ZBTB46: variants seen among roughly 807,000 people sequenced by gnomAD.
ZBTB46 encodes the protein zinc finger and BTB domain containing 46.
Under a neutral mutation model 44.1 loss-of-function variants are expected in ZBTB46, and 8 were observed. That is an observed-to-expected ratio of 0.18 (90% CI 0.11 to 0.33). The LOEUF (loss-of-function observed/expected upper bound fraction) is 0.33, where lower values mean the gene tolerates loss of function less well. ZBTB46 is among the 10% of genes least tolerant of loss of function. The pLI is 1.00. For missense variants in ZBTB46, 651 were observed against 847.7 expected (o/e 0.77, Z 2.88); for synonymous variants, 409 against 382.3 (o/e 1.07, Z -0.81).
chr20:63,797,482 T>C (rs935787948), intron 1 of ZBTB46, among the ~76,000 whole-genome samples: 3 of 152,210 alleles, frequency 2.0e-5, no homozygotes, highest in Admixed American at 6.5e-5. Flanking sequence ...TGTGTCTTTA[T>C]AGCAACATGA....
chr20:63,794,430 C>A (rs533010527), intron 1 of ZBTB46, among the ~76,000 whole-genome samples: 30 of 152,074 alleles, frequency 2.0e-4, no homozygotes, highest in African/African-American at 6.5e-4. Context: ...TGGGCTCAAG[C>A]GATCTTCCCA....
intron 1 of ZBTB46, among the ~76,000 whole-genome samples, chr20:63,806,538 A>G (rs1340238021): frequency 6.6e-6 from 1 of 152,220 alleles, no homozygotes; most frequent in Non-Finnish European, 1.5e-5. Context: ...CAAAAAAAAT[A>G]GAACCTAAAT....
At position 63,767,732 on chromosome 20, in the gene ZBTB46, G is replaced by A. The variant is rs2092332192; in HGVS notation, c.1222+7946C>T. 6.6e-6 allele frequency among the ~76,000 whole-genome samples: 1 copy of A among 152,230 alleles called. No homozygotes were observed. The highest frequency in any genetic ancestry group is 1.9e-4 in the East Asian group (1 of 5,202). On this transcript the variant is annotated intron_variant, in intron 3 of 4. Transcript: ENST00000245663. The surrounding 1 kb of genome is among the most constrained non-coding windows in gnomAD (Gnocchi z 5.0). ...ACTTGCTTCACAGAGCTCCTTAGCT[G>A]GCCTCAGGGTAAAGCTGTCAGCGCC...
In ZBTB46 at chr20:63,801,757, T is replaced by C. The variant is rs150641266; in HGVS notation, c.-33-10967A>G. On this transcript the variant is annotated intron_variant, in intron 1 of 4. Transcript: ENST00000245663. ...ACGCCGCCTTTAAGAACTGTAACAC[T>C]CACCGCGAGAGTCCATGGCTTCATT... Among the ~76,000 whole-genome samples, 487 of 152,102 alleles carry C rather than the reference T, an allele frequency of 3.2e-3. 2 individuals carry two copies. Among genetic ancestry groups the C allele is most frequent in the African/African-American group, 0.011 (445 of 41,492 alleles).
intron 3 of ZBTB46, among the ~76,000 whole-genome samples, chr20:63,771,677 C>A (rs956016739): frequency 6.6e-6 from 1 of 152,210 alleles, no homozygotes; most frequent in Non-Finnish European, 1.5e-5. Flanking sequence ...TGGACGCAGG[C>A]GCTGGTGTCC....
At chr20:63,771,238 G>A (rs1255665379) in intron 3 of ZBTB46, among the ~76,000 whole-genome samples, 2 of 152,142 alleles carry the variant, frequency 1.3e-5, no homozygotes, top group African/African-American at 2.4e-5. Flanking sequence ...GGCGGCCCCC[G>A]GGGCTCAGGG....
upstream of ZBTB46, among the ~76,000 whole-genome samples, chr20:63,831,766 C>T (rs935741018): frequency 1.3e-5 from 2 of 150,870 alleles, no homozygotes; most frequent in Middle Eastern, 3.2e-3. Context: ...CGCGCGGGTG[C>T]CCAGGTCACC....
upstream of ZBTB46, among the ~76,000 whole-genome samples, chr20:63,832,522 G>C (rs2092857341): frequency 6.6e-6 from 1 of 152,230 alleles, no homozygotes; most frequent in African/African-American, 2.4e-5. This position sits in a 1 kb window ranked among gnomAD's most constrained non-coding sequence, Gnocchi z 5.0. Flanking sequence ...ATTCAGGAGC[G>C]GCAGTGGGAG....
intron 2 of ZBTB46, among the ~76,000 whole-genome samples, chr20:63,781,387 G>A (rs1483473002): frequency 2.0e-5 from 3 of 152,096 alleles, no homozygotes; most frequent in Non-Finnish European, 4.4e-5. Flanking sequence ...AGAGCCTCAC[G>A]GTCACCACGT....
chr20:63,833,581 A>G (rs1187535390), upstream of ZBTB46, among the ~76,000 whole-genome samples: 1 of 151,926 alleles, frequency 6.6e-6, no homozygotes, highest in Non-Finnish European at 1.5e-5. Context: ...ACAGAGCAAG[A>G]CTCTGTCTCA....
intron 1 of ZBTB46, among the ~76,000 whole-genome samples, chr20:63,799,629 C>A (rs2092628519): frequency 6.6e-6 from 1 of 152,028 alleles, no homozygotes; most frequent in South Asian, 2.1e-4. Context: ...ATTACAGGCA[C>A]AAGCCACCAC....
chr20:63,828,856 G>A (rs1321215912), intron 1 of ZBTB46, among the ~76,000 whole-genome samples: 3 of 152,240 alleles, frequency 2.0e-5, no homozygotes, highest in African/African-American at 7.2e-5. Context: ...TGGGTCTCCA[G>A]GGCTCTGAGA....
chr20:63,811,589 G>T (rs2092717981), intron 1 of ZBTB46, among the ~76,000 whole-genome samples: 1 of 152,210 alleles, frequency 6.6e-6, no homozygotes, highest in South Asian at 2.1e-4. Flanking sequence ...GCCCATAGGT[G>T]ACGCAGACAA....
rs1414033115 is a variant in ZBTB46 at position 63,775,806 on chromosome 20, G to A, written c.1094C>T (p.Thr365Ile). The A allele has an allele frequency of 6.2e-7, 1 of 1,613,302 alleles. No individual in the cohort carries two copies. Among genetic ancestry groups the A allele is most frequent in the African/African-American group, 1.3e-5 (1 of 74,932 alleles). ...CGCCGCGCGCAGGTTGGCCACCGCG[G>A]TGGCCTGATGCAGGGCGTCGTCCTT... ...PEKDDALHQA[T>I]AVANLRAALM... Residue 365 changes from threonine to isoleucine, a missense_variant, in exon 3 of 5, where the codon ACC becomes ATC. This residue lies in a region of ZBTB46 where 385 missense variants were observed against 423.3 expected (regional missense o/e 0.91). Coordinates refer to ENST00000245663, the MANE Select transcript of ZBTB46 (RefSeq NM_001369741.1).
chr20:63,775,668 C>T lies in ZBTB46; in HGVS notation c.1222+10G>A. 6.4e-7 allele frequency: 1 copy of T among 1,551,524 alleles called. No homozygotes were observed. Among genetic ancestry groups the T allele is most frequent in the East Asian group, 2.3e-5 (1 of 44,250 alleles). ...ACCAAAGCCAAGCGGCCCCCAGGGC[C>T]TGCACTTACGGGACAGCGAGTGGGC... is the stretch of plus-strand genomic sequence containing the variant. On this transcript the variant is annotated intron_variant, in intron 3 of 4. Transcript: ENST00000245663.
At chr20:63,749,932 A>T (rs2092145055) in intron 4 of ZBTB46, among the ~76,000 whole-genome samples, 1 of 152,232 alleles carries the variant, frequency 6.6e-6, no homozygotes, top group South Asian at 2.1e-4. Context: ...GGAAGACGGG[A>T]CACCTTGGCA....
intron 1 of ZBTB46, among the ~76,000 whole-genome samples, chr20:63,798,674 C>CAAAAAAAA (rs71197435): frequency 0.17 from 3,245 of 18,676 alleles, 1,019 homozygotes; most frequent in East Asian, 0.3. Flanking sequence ...GACTCTGTCT[C>CAAAAAAAA]AAAAAAAAAA....
In ZBTB46 at chr20:63,745,108, TC is replaced by T. The variant is rs2145731876; in HGVS notation, c.*1821del. The T allele has an allele frequency of 6.6e-6, 1 of 152,470 alleles. No individual in the cohort carries two copies. The highest frequency in any genetic ancestry group is 2.4e-5 in the African/African-American group (1 of 41,566). 9.4% of individuals were successfully genotyped at this position (152,470 alleles called of 1,614,324 possible). ...CGCTGCAGCTCCCTGGTAGCCATGCTCTCCCCCTGGGGGACTCGTGCCAGAG... is the reference window on the plus strand; with the variant it reads ...CGCTGCAGCTCCCTGGTAGCCATGCTTCCCCCTGGGGGACTCGTGCCAGAG... On this transcript the variant is annotated 3_prime_UTR_variant, in exon 5 of 5. Coordinates refer to ENST00000245663, the MANE Select transcript of ZBTB46 (RefSeq NM_001369741.1).
At chr20:63,760,919 T>C (rs2092268870) in intron 3 of ZBTB46, among the ~76,000 whole-genome samples, 1 of 150,548 alleles carries the variant, frequency 6.6e-6, no homozygotes, top group Non-Finnish European at 1.5e-5. Context: ...CCTCCCGAAG[T>C]GCTGGGATTA....
Sources: allele counts gnomAD v4.1 joint callset (sites outside exome capture counted in the v4.1 genomes callset), GRCh38; gene constraint gnomAD v4.1.1; regional missense constraint gnomAD v4.1.1; non-coding constraint Gnocchi (gnomAD v3.1); transcripts MANE v1.5; gene names NCBI Gene and HGNC (gene_info 2026-07-23, HGNC 2026-07-21).